The following CACNA2D2 variants were observed in gnomAD, a reference collection of about 807,000 sequenced individuals.
CACNA2D2 encodes the protein voltage-dependent calcium channel subunit alpha-2/delta-2.
A neutral mutation model predicts 166.4 loss-of-function variants in CACNA2D2; 48 were observed. That is an observed-to-expected ratio of 0.29 (90% confidence interval 0.23 to 0.37). The LOEUF is 0.37. CACNA2D2 is among the 10% of genes least tolerant of loss of function. The pLI, the probability that CACNA2D2 is intolerant of heterozygous loss-of-function variation, is 1.00. For synonymous variants in CACNA2D2, 561 were observed against 573.7 expected (o/e 0.98, Z 0.32); for missense variants, 1,122 against 1,433.0 (o/e 0.78, Z 3.50).
chr3:50,420,783 T>C (rs1707520364), intron 3 of CACNA2D2, among the ~76,000 whole-genome samples: 1 of 152,228 alleles, frequency 6.6e-6, no homozygotes, highest in Admixed American at 6.5e-5. Context: ...TGGCTATATG[T>C]GCTGAGTAGA....
chr3:50,482,742 A>AC (rs1490896569), intron 1 of CACNA2D2, among the ~76,000 whole-genome samples: 1 of 152,124 alleles, frequency 6.6e-6, no homozygotes, highest in East Asian at 1.9e-4. Flanking sequence ...GCCCCCAGAG[A>AC]CCCAATGCAG....
At chr3:50,478,511 T>A (rs1250967570) in intron 1 of CACNA2D2, among the ~76,000 whole-genome samples, 1 of 152,164 alleles carries the variant, frequency 6.6e-6, no homozygotes, top group Non-Finnish European at 1.5e-5. Flanking sequence ...TGCCAATCAA[T>A]CCTTCCTGGG....
At chr3:50,448,937 GC>G (rs758753739) in intron 2 of CACNA2D2, among the ~76,000 whole-genome samples, 57 of 152,296 alleles carry the variant, frequency 3.7e-4, no homozygotes, top group Non-Finnish European at 6.9e-4. Flanking sequence ...GTGGGGGAGA[GC>G]CGCAGCGAAG....
At chr3:50,434,205 T>C (rs1708202413) in intron 3 of CACNA2D2, 108 bp downstream of exon 3, 1 of 761,702 alleles carries the variant, frequency 1.3e-6, no homozygotes, top group Non-Finnish European at 2.3e-6. Flanking sequence ...CCAGCTGAAC[T>C]CAGGAGGGCC....
intron 2 of CACNA2D2, among the ~76,000 whole-genome samples, chr3:50,454,154 G>T (rs1344912000): frequency 6.6e-6 from 1 of 152,228 alleles, no homozygotes. Flanking sequence ...GCACCCACAG[G>T]CACCAGAGCT....
intron 3 of CACNA2D2, among the ~76,000 whole-genome samples, chr3:50,428,365 A>G (rs560032794): frequency 2.0e-4 from 30 of 152,120 alleles, no homozygotes; most frequent in African/African-American, 7.0e-4. Flanking sequence ...CTCCTTCCTG[A>G]CAAAGGGAGC....
intron 2 of CACNA2D2, among the ~76,000 whole-genome samples, chr3:50,438,248 T>C (rs1418177330): frequency 6.6e-6 from 1 of 152,116 alleles, no homozygotes; most frequent in Non-Finnish European, 1.5e-5. Context: ...CTGGTGACCA[T>C]GGCTCAGCTG....
intron 1 of CACNA2D2, among the ~76,000 whole-genome samples, chr3:50,501,913 T>TGACAGAGGACACGTCC (rs1271158705): frequency 6.6e-6 from 1 of 152,128 alleles, no homozygotes; most frequent in East Asian, 1.9e-4. Flanking sequence ...TCCAGACGGT[T>TGACAGAGGACACGTCC]GACAGAGGAC....
In CACNA2D2 at chr3:50,384,243, T is replaced by C. The variant is rs759753655; in HGVS notation, c.605A>G (p.Asn202Ser). The change falls in exon 6 of 38, where the codon AAC becomes AGC. Residue 202 changes from asparagine (N) to serine (S), a missense_variant. By Grantham distance (46) the Asn-to-Ser change is conservative. Transcript: ENST00000424201. The part of the protein sequence containing the change: ...IEDPNFKNKV[N>S]YSYAAVQIPT... Reference sequence around the variant, plus strand: ...GATCTGTACAGCCGCGTATGAATAGTTGACCTTGTTCTTGAAGTTTGGGTC... The same window carrying C: ...GATCTGTACAGCCGCGTATGAATAGCTGACCTTGTTCTTGAAGTTTGGGTC... 4.3e-6 allele frequency: 7 copies of C among 1,614,202 alleles called. No individual in the cohort carries two copies. Among genetic ancestry groups the C allele is most frequent in the Non-Finnish European group, 4.2e-6 (5 of 1,180,022 alleles).
In CACNA2D2 at chr3:50,365,178, G is replaced by C. The variant is rs780997127; in HGVS notation, c.3105C>G (p.Phe1035Leu). The change falls in exon 36 of 38, where the codon TTC (phenylalanine) becomes TTG (leucine). Residue 1035 changes from phenylalanine to leucine, a missense_variant. Physicochemically the swap from Phe to Leu is conservative, Grantham distance 22. Around this residue, in one of 2 missense-constraint regions of CACNA2D2, gnomAD observed 282 missense variants for 266.2 expected, o/e 1.06. Transcript: ENST00000424201. This position sits in a 1 kb window ranked among gnomAD's most constrained non-coding sequence, Gnocchi z 4.5. ...TGGTGTTGGTCAGTCTCTGCGCGTG[G>C]AACAGCCTGCGGGCAGCCCGGAAAG... ...IIDCGNCSRL[F>L]HAQRLTNTNL... The C allele has an allele frequency of 1.9e-6, 3 of 1,612,010 alleles. No individual in the cohort carries two copies. The highest frequency in any genetic ancestry group is 2.5e-6 in the Non-Finnish European group (3 of 1,179,644).
At chr3:50,449,779 C>T (rs1480038752) in intron 2 of CACNA2D2, among the ~76,000 whole-genome samples, 1 of 152,110 alleles carries the variant, frequency 6.6e-6, no homozygotes, top group Non-Finnish European at 1.5e-5. Flanking sequence ...AGCCTGTACT[C>T]CCAGGACTGC....
Position 50,367,877 on chromosome 3 carries a change from C to T in CACNA2D2, c.2169G>A (p.Leu723=), listed in dbSNP as rs1168615910. 7.0e-7 allele frequency: 1 copy of T among 1,436,024 alleles called. No individual in the cohort carries two copies. The highest frequency in any genetic ancestry group is 9.3e-7 in the Non-Finnish European group (1 of 1,073,338). 89.0% of individuals were successfully genotyped at this position (1,436,024 alleles called of 1,614,324 possible). Reference sequence around the variant, plus strand: ...GCTGCGTGATGCCCGTGTCCAAGATCAGGTTGTGCAGAAGGAAGTTGTTGC... The same window carrying T: ...GCTGCGTGATGCCCGTGTCCAAGATTAGGTTGTGCAGAAGGAAGTTGTTGC... The part of the protein sequence containing the change: ...KQCNNFLLHN[L]ILDTGITQQL... Residue 723 remains leucine, a synonymous_variant, in exon 25 of 38, where the codon CTG becomes CTA. Coordinates refer to ENST00000424201, the MANE Select transcript of CACNA2D2 (RefSeq NM_006030.4). This position sits in a 1 kb window ranked among gnomAD's most constrained non-coding sequence, Gnocchi z 6.5.
chr3:50,477,716 C>T (rs1269458298), intron 1 of CACNA2D2, among the ~76,000 whole-genome samples: 1 of 152,210 alleles, frequency 6.6e-6, no homozygotes, highest in African/African-American at 2.4e-5. Context: ...TCAAACACAG[C>T]CCACAGGGTA....
intron 3 of CACNA2D2, among the ~76,000 whole-genome samples, chr3:50,398,420 G>A (rs1381305248): frequency 6.6e-6 from 1 of 152,192 alleles, no homozygotes; most frequent in African/African-American, 2.4e-5. Flanking sequence ...CTTGAGCACT[G>A]GGTTTGGTGG....
intron 2 of CACNA2D2, among the ~76,000 whole-genome samples, chr3:50,473,441 G>A (rs778882202): frequency 2.0e-5 from 3 of 152,242 alleles, no homozygotes; most frequent in Non-Finnish European, 4.4e-5. Flanking sequence ...CAAGGGGCCT[G>A]GATGCCAGAT....
chr3:50,499,179 A>C (rs1282459053), intron 1 of CACNA2D2, among the ~76,000 whole-genome samples: 1 of 152,178 alleles, frequency 6.6e-6, no homozygotes, highest in Non-Finnish European at 1.5e-5. Context: ...CACAGCCCAG[A>C]GCTGGGATGG....
chr3:50,451,853 G>A (rs1170230781), intron 2 of CACNA2D2, among the ~76,000 whole-genome samples: 4 of 152,146 alleles, frequency 2.6e-5, no homozygotes, highest in Non-Finnish European at 4.4e-5. Context: ...GGAGGTGGAG[G>A]CGTGGCAATG....
At chr3:50,423,140 C>G (rs150856927) in intron 3 of CACNA2D2, among the ~76,000 whole-genome samples, 3 of 152,356 alleles carry the variant, frequency 2.0e-5, no homozygotes, top group Admixed American at 1.3e-4. Context: ...TATGCCTACG[C>G]AGCTCATGGA....
In CACNA2D2 at chr3:50,391,027, C is replaced by T. The variant is rs189445568; in HGVS notation, c.465+3082G>A. On this transcript the variant is annotated intron_variant, in intron 4 of 37. Transcript: ENST00000424201. Reference sequence around the variant, plus strand: ...CAAGAGGACTGTTTTCTGAGAGAGCCGTCTGTCGCTGGCTTGGCAGAGGCA... The same window carrying T: ...CAAGAGGACTGTTTTCTGAGAGAGCTGTCTGTCGCTGGCTTGGCAGAGGCA... Among the ~76,000 whole-genome samples the T allele has an allele frequency of 2.6e-4, 39 of 152,346 alleles. 1 individual carries two copies. Among genetic ancestry groups the T allele is most frequent in the African/African-American group, 8.4e-4 (35 of 41,576 alleles).
Sources: gnomAD v4.1 joint callset for allele counts (sites outside exome capture counted in the v4.1 genomes callset) on GRCh38, gnomAD v4.1.1 for gene constraint, gnomAD v4.1.1 regional missense constraint, Gnocchi (gnomAD v3.1) non-coding constraint, MANE v1.5 for transcripts, NCBI Gene and HGNC (gene_info 2026-07-23, HGNC 2026-07-21) for gene names.